WDFY3: variants seen among roughly 807,000 people sequenced by gnomAD.
WDFY3 encodes the protein WD repeat and FYVE domain containing 3.
WDFY3 carries 66 observed loss-of-function variants against 409.6 expected under a neutral mutation model. The ratio of observed to expected loss-of-function variants is 0.16; its 90% CI spans 0.13 to 0.20. The LOEUF (loss-of-function observed/expected upper bound fraction) is 0.20. Ranked by LOEUF, WDFY3 falls within the 10% of genes least tolerant of loss-of-function variation. The probability of loss-of-function intolerance (pLI) is 1.00; values close to 1 mark genes in which losing one functional copy is unlikely to be tolerated. For synonymous variants in WDFY3, 1,521 were observed against 1,537.1 expected (o/e 0.99, Z 0.25); for missense variants, 3,031 against 4,298.1 (o/e 0.71, Z 8.24).
chr4:84,732,534 C>T (rs1003776383), intron 44 of WDFY3, among the ~76,000 whole-genome samples: 11 of 152,100 alleles, frequency 7.2e-5, no homozygotes, highest in Admixed American at 6.5e-4. Flanking sequence ...CTCCCTATTC[C>T]CCTCACTTCT....
rs1171136426 is a variant in WDFY3 at position 84,713,155 on chromosome 4, C to T, written c.8042+4G>A. On this transcript the variant is annotated splice_donor_region_variant and intron_variant, in intron 51 of 67. Coordinates refer to ENST00000295888, the MANE Select transcript of WDFY3 (RefSeq NM_014991.6). The stretch of plus-strand genomic sequence containing the variant: ...CTGTAACATGCAAGGAACAAACCAC[C>T]TACCCCTGCTCCACACTCGTGTTTG... 6.2e-7 allele frequency: 1 copy of T among 1,613,892 alleles called. No homozygotes were observed. Among genetic ancestry groups the T allele is most frequent in the Non-Finnish European group, 8.5e-7 (1 of 1,179,894 alleles).
At chr4:84,705,545 C>T in intron 53 of WDFY3, 34 bp from the exon 54 acceptor site, 1 of 1,525,006 alleles carries the variant, frequency 6.6e-7, no homozygotes. Flanking sequence ...TTCCAAGTTA[C>T]TATACACTAT....
At chr4:84,703,983 T>A (rs569330379) in intron 55 of WDFY3, among the ~76,000 whole-genome samples, 2 of 152,316 alleles carry the variant, frequency 1.3e-5, no homozygotes, top group African/African-American at 4.8e-5. Flanking sequence ...ATTTGCTGAA[T>A]AAATGAATGA....
chr4:84,894,872 C>T (rs1470997491), intron 3 of WDFY3, among the ~76,000 whole-genome samples: 1 of 148,822 alleles, frequency 6.7e-6, no homozygotes, highest in African/African-American at 2.5e-5. Context: ...ATCACTTGAA[C>T]CTGGGGGGAG....
chr4:84,845,012 G>C (rs1252419125), intron 5 of WDFY3, among the ~76,000 whole-genome samples: 6 of 152,090 alleles, frequency 3.9e-5, no homozygotes, highest in Non-Finnish European at 4.4e-5. Flanking sequence ...TTCCCTAAAA[G>C]GTTTCCATTT....
intron 1 of WDFY3, among the ~76,000 whole-genome samples, chr4:84,936,663 T>A (rs1228877003): frequency 6.6e-6 from 1 of 152,060 alleles, no homozygotes; most frequent in East Asian, 1.9e-4. Context: ...ATTTTCAAAA[T>A]TTTTAACAAG....
chr4:84,963,307 C>T (rs1265791375), intron 1 of WDFY3, among the ~76,000 whole-genome samples: 1 of 151,634 alleles, frequency 6.6e-6, no homozygotes, highest in East Asian at 2.0e-4. Context: ...GTCTATAGTC[C>T]CAGCTACTTG....
At chr4:84,765,477 T>C (rs1315230904) in intron 32 of WDFY3, among the ~76,000 whole-genome samples, 1 of 152,140 alleles carries the variant, frequency 6.6e-6, no homozygotes, top group Non-Finnish European at 1.5e-5. Flanking sequence ...ACACAGTAAG[T>C]ACTCAAAATA....
chr4:84,810,109 G>A lies in WDFY3; in HGVS notation c.2123C>T (p.Thr708Ile). Residue 708 changes from threonine (T) to isoleucine (I), a missense_variant, in exon 14 of 68, where the codon ACA becomes ATA. Around this residue, in one of 16 missense-constraint regions of WDFY3, gnomAD observed 1,322 missense variants for 1,697.9 expected, o/e 0.78. Transcript: ENST00000295888. ...YEPANSHFFK[T>I]EIQYEKLADA... ...TGCCAACTTCTCATACTGAATCTCTGTTTTGAAGAAATGAGAGTTGGCTGG... is the reference window on the plus strand; with the variant it reads ...TGCCAACTTCTCATACTGAATCTCTATTTTGAAGAAATGAGAGTTGGCTGG... 2 of 1,614,150 alleles carry A rather than the reference G, an allele frequency of 1.2e-6. No homozygotes were observed. Among genetic ancestry groups the A allele is most frequent in the Middle Eastern group, 1.6e-4 (1 of 6,062 alleles).
chr4:84,800,291 G>A (rs1402731292), intron 17 of WDFY3, among the ~76,000 whole-genome samples: 1 of 152,162 alleles, frequency 6.6e-6, no homozygotes, highest in Non-Finnish European at 1.5e-5. Context: ...TTTTATAAAA[G>A]AGGAGTACTC....
intron 1 of WDFY3, among the ~76,000 whole-genome samples, chr4:84,932,976 G>C (rs571030467): frequency 4.6e-5 from 7 of 152,082 alleles, no homozygotes; most frequent in Non-Finnish European, 1.0e-4. Flanking sequence ...TGAATCATGA[G>C]ATCTAGTTTC....
chr4:84,674,765 A>G, intron 67 of WDFY3, among the ~76,000 whole-genome samples: 1 of 148,886 alleles, frequency 6.7e-6, no homozygotes, highest in Non-Finnish European at 1.5e-5. Flanking sequence ...CTACTCAGGA[A>G]GCTGAGGTAG....
At chr4:84,678,398 T>C in intron 65 of WDFY3, 119 bp from the exon 66 acceptor site, 1 of 675,732 alleles carries the variant, frequency 1.5e-6, no homozygotes, top group Non-Finnish European at 2.6e-6. Context: ...CTACAGCAGC[T>C]TTTCCAGTTC....
chr4:84,895,598 A>C (rs1765525910), intron 3 of WDFY3, among the ~76,000 whole-genome samples: 1 of 152,218 alleles, frequency 6.6e-6, no homozygotes, highest in African/African-American at 2.4e-5. Context: ...AAGGCCTTAC[A>C]TGTTAGACTA....
At chr4:84,847,163 T>C (rs927578052) in intron 5 of WDFY3, among the ~76,000 whole-genome samples, 1 of 152,008 alleles carries the variant, frequency 6.6e-6, no homozygotes, top group Admixed American at 6.6e-5. Flanking sequence ...GCTTCCAAAG[T>C]GCTGAGTCAG....
chr4:84,963,314 C>T (rs1401327997), intron 1 of WDFY3, among the ~76,000 whole-genome samples: 1 of 151,508 alleles, frequency 6.6e-6, no homozygotes, highest in Non-Finnish European at 1.5e-5. Flanking sequence ...GTCCCAGCTA[C>T]TTGGGTGGCT....
intron 3 of WDFY3, among the ~76,000 whole-genome samples, chr4:84,876,219 A>C (rs1477996550): frequency 6.6e-6 from 1 of 152,250 alleles, no homozygotes; most frequent in Non-Finnish European, 1.5e-5. Flanking sequence ...GCCTCATTAT[A>C]GTCTCTGGGA....
intron 2 of WDFY3, among the ~76,000 whole-genome samples, chr4:84,917,857 A>G (rs984025052): frequency 6.6e-6 from 1 of 152,144 alleles, no homozygotes; most frequent in African/African-American, 2.4e-5. Flanking sequence ...GAGCTTAGTA[A>G]TAATTTAAAA....
At chr4:84,682,260 C>T (rs932733445) in intron 64 of WDFY3, 114 bp downstream of exon 64, 1 of 909,566 alleles carries the variant, frequency 1.1e-6, no homozygotes, top group Non-Finnish European at 1.7e-6. Context: ...CCATGCTTCT[C>T]CAAGCAGTGC....
Sources: gnomAD v4.1 joint callset for allele counts (sites outside exome capture counted in the v4.1 genomes callset) on GRCh38, gnomAD v4.1.1 for gene constraint, gnomAD v4.1.1 regional missense constraint, MANE v1.5 for transcripts, NCBI Gene and HGNC (gene_info 2026-07-23, HGNC 2026-07-21) for gene names.